Variants in ROBO1 observed in about 807,000 individuals in gnomAD.
ROBO1 encodes the protein roundabout homolog 1.
ROBO1 carries 149 observed loss-of-function variants against 195.9 expected under a neutral mutation model. The observed-to-expected ratio is 0.76, with a 90% CI of 0.67 to 0.87. The LOEUF is 0.87. Ranked by LOEUF, ROBO1 falls within the 40% of genes least tolerant of loss-of-function variation. The probability of loss-of-function intolerance (pLI) is 0.00; values close to 1 mark genes in which losing one functional copy is unlikely to be tolerated. For missense variants in ROBO1, 1,933 were observed against 2,068.3 expected, an observed-to-expected ratio of 0.93 and a Z score of 1.27; for synonymous variants, 816 against 733.2, an observed-to-expected ratio of 1.11 and a Z score of -1.82.
At chr3:78,769,076 C>T (rs531732347) in intron 4 of ROBO1, among the ~76,000 whole-genome samples, 2 of 152,114 alleles carry the variant, frequency 1.3e-5, no homozygotes, top group South Asian at 4.1e-4. Flanking sequence ...CTGTCAAGTA[C>T]ATTTGTTCCA....
intron 2 of ROBO1, among the ~76,000 whole-genome samples, chr3:79,405,651 C>T (rs955504651): frequency 1.3e-5 from 2 of 152,078 alleles, no homozygotes; most frequent in African/African-American, 4.8e-5. Flanking sequence ...TATTTTCTCA[C>T]TGGATAAAAA....
chr3:78,779,044 G>A (rs1318827403), intron 4 of ROBO1, among the ~76,000 whole-genome samples: 1 of 152,056 alleles, frequency 6.6e-6, no homozygotes, highest in South Asian at 2.1e-4. Context: ...GGGAAAACGG[G>A]CAAGCCATAT....
intron 4 of ROBO1, among the ~76,000 whole-genome samples, chr3:78,927,154 G>A (rs1310804182): frequency 2.6e-5 from 4 of 152,182 alleles, no homozygotes; most frequent in East Asian, 3.9e-4. Context: ...GGAAAATGTC[G>A]GTAAAGCTCC....
At chr3:78,772,609 A>G (rs2083404193) in intron 4 of ROBO1, among the ~76,000 whole-genome samples, 1 of 152,052 alleles carries the variant, frequency 6.6e-6, no homozygotes, top group Non-Finnish European at 1.5e-5. Flanking sequence ...AAAATAATAT[A>G]TTGTACTAAA....
intron 2 of ROBO1, among the ~76,000 whole-genome samples, chr3:79,571,083 T>C (rs557699418): frequency 1.5e-3 from 225 of 152,224 alleles, no homozygotes; most frequent in African/African-American, 5.1e-3. Flanking sequence ...TGGGTGATAA[T>C]GGTTTTGACA....
chr3:79,431,603 T>C (rs888447900), intron 2 of ROBO1, among the ~76,000 whole-genome samples: 3 of 152,078 alleles, frequency 2.0e-5, no homozygotes, highest in Admixed American at 6.6e-5. Context: ...AAAGTACAAA[T>C]CATTTACTAG....
chr3:79,037,021 C>A (rs1205956814), intron 3 of ROBO1, among the ~76,000 whole-genome samples: 1 of 152,044 alleles, frequency 6.6e-6, no homozygotes, highest in South Asian at 2.1e-4. Context: ...TATAAAATTT[C>A]TTTCAGTTCT....
chr3:79,113,491 G>A (rs2079930891), intron 3 of ROBO1, among the ~76,000 whole-genome samples: 1 of 152,044 alleles, frequency 6.6e-6, no homozygotes, highest in African/African-American at 2.4e-5. Flanking sequence ...TTATTGGCAA[G>A]GTGCAGTGGC....
intron 1 of ROBO1, among the ~76,000 whole-genome samples, chr3:79,677,076 A>C (rs910246633): frequency 7.3e-5 from 11 of 151,542 alleles, no homozygotes; most frequent in African/African-American, 2.4e-4. Context: ...ATGATTCCCA[A>C]CTCTTGGTGT....
At chr3:79,485,790 G>A (rs922739468) in intron 2 of ROBO1, among the ~76,000 whole-genome samples, 6 of 151,628 alleles carry the variant, frequency 4.0e-5, no homozygotes, top group Admixed American at 2.0e-4. Context: ...AATTTAGTGC[G>A]TAGTCTTCTC....
At chr3:78,661,408 G>A (rs1707395703) in intron 15 of ROBO1, 147 bp from the exon 16 acceptor site, 3 of 476,970 alleles carry the variant, frequency 6.3e-6, no homozygotes, top group Non-Finnish European at 1.1e-5. Context: ...GAATTAGAAA[G>A]GAAAAAATAA....
chr3:79,237,383 A>G (rs1379817150), intron 2 of ROBO1, among the ~76,000 whole-genome samples: 1 of 151,986 alleles, frequency 6.6e-6, no homozygotes, highest in East Asian at 1.9e-4. Context: ...CGGGAGGCTG[A>G]GGCAGGAGAA....
intron 3 of ROBO1, among the ~76,000 whole-genome samples, chr3:78,944,733 C>T (rs564215441): frequency 1.9e-4 from 29 of 152,304 alleles, no homozygotes; most frequent in South Asian, 1.2e-3. Flanking sequence ...ACCCAGGAAG[C>T]GCAAGGGGTC....
intron 2 of ROBO1, among the ~76,000 whole-genome samples, chr3:79,331,076 A>G (rs1439586990): frequency 6.6e-6 from 1 of 152,194 alleles, no homozygotes; most frequent in Non-Finnish European, 1.5e-5. Flanking sequence ...AAAAATAAAT[A>G]TTTGCATTGA....
At chr3:78,884,860 C>G (rs867178353) in intron 4 of ROBO1, among the ~76,000 whole-genome samples, 1 of 88,102 alleles carries the variant, frequency 1.1e-5, no homozygotes, top group African/African-American at 8.2e-5. Context: ...CTCTCTCTCT[C>G]TCTTTCTGTG....
At chr3:78,684,629 G>A (rs1211567120) in intron 10 of ROBO1, among the ~76,000 whole-genome samples, 3 of 152,054 alleles carry the variant, frequency 2.0e-5, no homozygotes, top group Non-Finnish European at 4.4e-5. Context: ...GGAATTAGTA[G>A]GCTGTTACAA....
At chr3:79,027,922 C>T (rs1031081748) in intron 3 of ROBO1, among the ~76,000 whole-genome samples, 2 of 151,944 alleles carry the variant, frequency 1.3e-5, no homozygotes, top group African/African-American at 2.4e-5. Context: ...GCCAGTGAAA[C>T]AATCTTATCA....
In ROBO1 at chr3:78,657,236, T is replaced by G; in HGVS notation, c.2476A>C (p.Ile826Leu). The G allele has an allele frequency of 6.2e-7, 1 of 1,613,712 alleles. No homozygotes were observed. Among genetic ancestry groups the G allele is most frequent in the Non-Finnish European group, 8.5e-7 (1 of 1,179,758 alleles). ...WCLGNETRYH[I>L]NKTVDGSTFS... is the part of the protein sequence containing the mutation. ...GTGGAACCATCCACTGTTTTGTTGATGTGGTATCGAGTTTCATTGCCCAGA... is the reference window on the plus strand; with the variant it reads ...GTGGAACCATCCACTGTTTTGTTGAGGTGGTATCGAGTTTCATTGCCCAGA... The change falls in exon 18 of 31, where the codon ATC (isoleucine) becomes CTC (leucine). Residue 826 changes from isoleucine (I) to leucine (L), a missense_variant. Transcript: ENST00000464233.
intron 2 of ROBO1, among the ~76,000 whole-genome samples, chr3:79,442,204 G>A (rs930495958): frequency 1.3e-5 from 2 of 151,936 alleles, no homozygotes; most frequent in East Asian, 3.9e-4. Flanking sequence ...CAACTATTTT[G>A]GTCTCTCATA....
Sources: gnomAD v4.1 joint callset for allele counts (sites outside exome capture counted in the v4.1 genomes callset) on GRCh38, gnomAD v4.1.1 for gene constraint, MANE v1.5 for transcripts, NCBI Gene and HGNC (gene_info 2026-07-23, HGNC 2026-07-21) for gene names.